Variants in TPST2 observed in about 807,000 individuals in gnomAD.
TPST2 encodes protein-tyrosine sulfotransferase 2.
In TPST2, 16 loss-of-function variants were observed where a neutral mutation model predicts 27.8. The ratio of observed to expected loss-of-function variants is 0.58; its 90% CI spans 0.39 to 0.88. The LOEUF (loss-of-function observed/expected upper bound fraction) is 0.88, where lower values mean the gene tolerates loss of function less well. TPST2 is among the 40% of genes least tolerant of loss of function. TPST2 has a pLI of 0.00. For synonymous variants in TPST2, 229 were observed against 231.7 expected (o/e 0.99, Z 0.10); for missense variants, 464 against 543.1 (o/e 0.85, Z 1.45).
intron 1 of TPST2, among the ~76,000 whole-genome samples, chr22:26,569,233 G>C (rs1444911460): frequency 2.6e-5 from 4 of 152,166 alleles, no homozygotes; most frequent in African/African-American, 7.2e-5. Flanking sequence ...CCCCGTTCCA[G>C]TAACAGTTCC....
chr22:26,582,395 C>G, intron 1 of TPST2, among the ~76,000 whole-genome samples: 1 of 152,132 alleles, frequency 6.6e-6, no homozygotes, highest in South Asian at 2.1e-4. Flanking sequence ...CCATTGCACT[C>G]CAGCCTGGGC....
chr22:26,573,285 C>T (rs2283840), intron 1 of TPST2, among the ~76,000 whole-genome samples: 67,294 of 151,984 alleles, frequency 0.44, 15,819 homozygotes, highest in East Asian at 0.74. Flanking sequence ...CCCTCCTTGG[C>T]CTCCCAAAGT....
In TPST2 at chr22:26,536,289, C is replaced by T. The variant is rs542339347; in HGVS notation, c.1040G>A (p.Arg347Gln). 9.9e-6 allele frequency: 16 copies of T among 1,614,102 alleles called. No individual in the cohort carries two copies. Among genetic ancestry groups the T allele is most frequent in the African/African-American group, 5.3e-5 (4 of 75,006 alleles). The change falls in exon 4 of 7, where the codon CGG becomes CAG. Residue 347 changes from arginine to glutamine, a missense_variant and splice_region_variant. Physicochemically the swap from Arg to Gln is conservative, Grantham distance 43. Transcript: ENST00000338754. The stretch of plus-strand genomic sequence containing the variant: ...CCACAAGTACAGGTGCACACTCACC[C>T]GCTGTGTGTTGTTGATGACGAAGGG... ...PDPFVINNTQRVLKGDYKTPA... is the reference protein window; with the variant it reads ...PDPFVINNTQQVLKGDYKTPA...
intron 6 of TPST2, among the ~76,000 whole-genome samples, chr22:26,526,837 G>A (rs1284948084): frequency 6.6e-6 from 1 of 152,132 alleles, no homozygotes; most frequent in Non-Finnish European, 1.5e-5. Flanking sequence ...CAGCACTTTG[G>A]GAGGCTGAGG....
At chr22:26,587,610 G>C (rs547559273) in intron 1 of TPST2, among the ~76,000 whole-genome samples, 9 of 152,112 alleles carry the variant, frequency 5.9e-5, no homozygotes, top group Non-Finnish European at 1.3e-4. Context: ...AAAGTGCTGG[G>C]ATTACAGGTG....
chr22:26,575,292 C>T (rs1328748717), intron 1 of TPST2, among the ~76,000 whole-genome samples: 1 of 152,150 alleles, frequency 6.6e-6, no homozygotes, highest in Non-Finnish European at 1.5e-5. Flanking sequence ...ACTTTGACAC[C>T]GAATGCCTTC....
At chr22:26,589,243 ACT>A (rs1438905196) in intron 1 of TPST2, among the ~76,000 whole-genome samples, 1 of 151,656 alleles carries the variant, frequency 6.6e-6, no homozygotes, top group East Asian at 2.0e-4. Flanking sequence ...CTTTCTAATG[ACT>A]CTGCTGAGGT....
chr22:26,536,603 AG>A, intron 3 of TPST2, 117 bp from the exon 4 acceptor site: 1 of 954,570 alleles, frequency 1.0e-6, no homozygotes, highest in Non-Finnish European at 1.5e-6. Context: ...GCCTCCACCC[AG>A]CTCTGCCCCA....
intron 1 of TPST2, among the ~76,000 whole-genome samples, chr22:26,578,618 C>T (rs1453441406): frequency 6.6e-6 from 1 of 152,088 alleles, no homozygotes; most frequent in Non-Finnish European, 1.5e-5. Flanking sequence ...AACCAGGCCT[C>T]GAACCAGAAT....
At chr22:26,576,412 A>G (rs1927836781) in intron 1 of TPST2, among the ~76,000 whole-genome samples, 2 of 152,192 alleles carry the variant, frequency 1.3e-5, no homozygotes, top group South Asian at 4.1e-4. Flanking sequence ...ACAGAATGAA[A>G]TAAGAGCTTG....
chr22:26,553,060 C>CAA lies in TPST2; in HGVS notation c.-160-8387_-160-8386dup, dbSNP rs3037016. 2.9e-3 allele frequency among the ~76,000 whole-genome samples: 124 copies of CAA among 43,182 alleles called. 9 individuals carry two copies. The highest frequency in any genetic ancestry group is 0.011 in the African/African-American group (105 of 9,978). The allele number at this position is 43,182 out of a possible 152,430, so 28.3% of individuals were successfully genotyped here. On this transcript the variant is annotated intron_variant, in intron 1 of 6. Transcript: ENST00000338754. ...GGGTGACAACAGCGAAACTCCATCT[C>CAA]AAAAAAAAAAAAAAAAAAAAAAAAA... is the stretch of plus-strand genomic sequence containing the variant.
chr22:26,551,236 A>G (rs1414602639), intron 1 of TPST2, among the ~76,000 whole-genome samples: 1 of 152,224 alleles, frequency 6.6e-6, no homozygotes. Context: ...CAGTGAGCCA[A>G]GATCACACCA....
rs1218403750 is a variant in TPST2 at position 26,540,904 on chromosome 22, G to C, written c.727C>G (p.Leu243Val). The C allele has an allele frequency of 6.2e-7, 1 of 1,614,180 alleles. No individual in the cohort carries two copies. The highest frequency in any genetic ancestry group is 8.5e-7 in the Non-Finnish European group (1 of 1,180,026). Residue 243 changes from leucine (L) to valine (V), a missense_variant, in exon 3 of 7, where the codon CTG becomes GTG. Coordinates refer to ENST00000338754, the MANE Select transcript of TPST2 (RefSeq NM_003595.5). ...CLPVYYEQLV[L>V]HPRRSLKLIL... ...AGCTTGAGTGAGCGCCTGGGGTGCA[G>C]CACCAGCTGCTCGTAGTACACAGGC...
rs1925295026 is a variant in TPST2, at chr22:26,533,739, A to G, written c.1042-994T>C. Reference sequence around the variant, plus strand: ...GCCCAAGCTGGAGTGCAGTGGTGCGATCACGGCTCACTGCAGCCTCCACTT... The same window carrying G: ...GCCCAAGCTGGAGTGCAGTGGTGCGGTCACGGCTCACTGCAGCCTCCACTT... On this transcript the variant is annotated intron_variant, in intron 4 of 6. Transcript: ENST00000338754. Among the ~76,000 whole-genome samples, 2 of 151,972 alleles carry G rather than the reference A, an allele frequency of 1.3e-5. 1 individual carries two copies. Among genetic ancestry groups the G allele is most frequent in the Non-Finnish European group, 2.9e-5 (2 of 68,008 alleles).
chr22:26,551,946 C>G (rs1396267027), intron 1 of TPST2, among the ~76,000 whole-genome samples: 1 of 134,448 alleles, frequency 7.4e-6, no homozygotes, highest in Non-Finnish European at 1.5e-5. Context: ...TAGAATACAG[C>G]GGTGCAATCA....
At chr22:26,581,031 CA>C (rs1389430518) in intron 1 of TPST2, among the ~76,000 whole-genome samples, 10 of 69,144 alleles carry the variant, frequency 1.4e-4, no homozygotes, top group Non-Finnish European at 2.1e-4. Context: ...CACACACACA[CA>C]CACACACACA....
intron 1 of TPST2, among the ~76,000 whole-genome samples, chr22:26,555,025 T>G (rs1326792830): frequency 1.3e-5 from 2 of 152,246 alleles, no homozygotes; most frequent in Non-Finnish European, 2.9e-5. Context: ...GTGGTTAAAC[T>G]TTGGTGTGCT....
At chr22:26,547,619 C>T (rs1178113436) in intron 1 of TPST2, 1 of 152,108 alleles carries the variant, frequency 6.6e-6, no homozygotes, top group Non-Finnish European at 1.5e-5. Flanking sequence ...AGAAACCACA[C>T]TTAAGAAAAA....
At chr22:26,571,184 C>T (rs1422839894) in intron 1 of TPST2, among the ~76,000 whole-genome samples, 1 of 152,214 alleles carries the variant, frequency 6.6e-6, no homozygotes, top group Non-Finnish European at 1.5e-5. Flanking sequence ...TGGCCCTTGC[C>T]TCTTCTCCAG....
Sources: gnomAD v4.1 joint callset for allele counts (sites outside exome capture counted in the v4.1 genomes callset) on GRCh38, gnomAD v4.1.1 for gene constraint, MANE v1.5 for transcripts, NCBI Gene and HGNC (gene_info 2026-07-23, HGNC 2026-07-21) for gene names.